Variants in UBE3C observed in about 807,000 individuals in gnomAD.
The protein encoded by UBE3C is ubiquitin protein ligase E3C, also known as ubiquitin-protein ligase E3C.
UBE3C carries 42 observed loss-of-function variants against 129.4 expected under a neutral mutation model. The ratio of observed to expected loss-of-function variants is 0.32; its 90% CI spans 0.25 to 0.42. The LOEUF (loss-of-function observed/expected upper bound fraction) is 0.42, where lower values mean the gene tolerates loss of function less well. Among genes scored for constraint, UBE3C ranks in the 10% least tolerant of loss-of-function variants. UBE3C has a pLI of 1.00. For synonymous variants in UBE3C, 510 were observed against 492.4 expected (o/e 1.04, Z -0.47); for missense variants, 1,049 against 1,319.1 (o/e 0.80, Z 3.17).
At chr7:157,263,412 C>G (rs1158991548) in intron 22 of UBE3C, among the ~76,000 whole-genome samples, 2 of 152,226 alleles carry the variant, frequency 1.3e-5, no homozygotes, top group Non-Finnish European at 2.9e-5. Flanking sequence ...TGTGGTGGCT[C>G]ACGCACTTTG....
intron 2 of UBE3C, among the ~76,000 whole-genome samples, chr7:157,165,423 A>G (rs185791860): frequency 1.5e-3 from 194 of 129,160 alleles, no homozygotes; most frequent in African/African-American, 5.3e-3. Flanking sequence ...TTTGAGGTGG[A>G]GTCTCACTTT....
At chr7:157,259,763 C>T (rs1796849266) in intron 22 of UBE3C, among the ~76,000 whole-genome samples, 2 of 152,118 alleles carry the variant, frequency 1.3e-5, no homozygotes, top group Non-Finnish European at 2.9e-5. Flanking sequence ...CGACCCAAAA[C>T]CGGATTGTGG....
intron 1 of UBE3C, among the ~76,000 whole-genome samples, chr7:157,163,388 CAAA>C (rs367764291): frequency 1.1e-4 from 10 of 95,212 alleles, no homozygotes; most frequent in South Asian, 7.4e-4. Flanking sequence ...GACTCCATCT[CAAA>C]AAAAAAAAAA....
intron 13 of UBE3C, among the ~76,000 whole-genome samples, chr7:157,215,615 T>A (rs1285076074): frequency 6.6e-6 from 1 of 151,240 alleles, no homozygotes. Flanking sequence ...TAAATCAGAT[T>A]GTCCTGATTT....
intron 14 of UBE3C, among the ~76,000 whole-genome samples, chr7:157,218,921 CATT>C (rs1368576203): frequency 2.6e-5 from 4 of 152,160 alleles, no homozygotes; most frequent in African/African-American, 7.2e-5. Flanking sequence ...GGAACCATCT[CATT>C]ATTTTGAATG....
At chr7:157,213,938 C>A (rs1174964941) in intron 13 of UBE3C, among the ~76,000 whole-genome samples, 1 of 152,150 alleles carries the variant, frequency 6.6e-6, no homozygotes, top group Non-Finnish European at 1.5e-5. Flanking sequence ...TTTGGACATA[C>A]TTCTACTAAA....
At chr7:157,220,527 G>A in intron 14 of UBE3C, 162 bp from the exon 15 acceptor site, 1 of 585,690 alleles carries the variant, frequency 1.7e-6, no homozygotes, top group Non-Finnish European at 2.9e-6. Flanking sequence ...CATGAGAGAG[G>A]ACCTGAAAAG....
intron 15 of UBE3C, chr7:157,221,083 T>C (rs933407406): frequency 2.3e-5 from 6 of 258,632 alleles, no homozygotes; most frequent in Non-Finnish European, 3.8e-5. Flanking sequence ...TTGAGGGTGC[T>C]GTGTGGGTTG....
At chr7:157,156,604 C>A (rs1306182459) in intron 1 of UBE3C, among the ~76,000 whole-genome samples, 21 of 151,820 alleles carry the variant, frequency 1.4e-4, no homozygotes, top group Non-Finnish European at 5.9e-5. Context: ...CGCATCCGGC[C>A]CCAATTCTTT....
intron 10 of UBE3C, among the ~76,000 whole-genome samples, chr7:157,191,479 C>T (rs1446237292): frequency 2.6e-5 from 4 of 152,074 alleles, no homozygotes; most frequent in Non-Finnish European, 4.4e-5. Flanking sequence ...TTTGTAGAAA[C>T]GGGGTTTTGC....
intron 19 of UBE3C, 86 bp downstream of exon 19, chr7:157,248,666 T>A: frequency 7.1e-7 from 1 of 1,415,358 alleles, no homozygotes; most frequent in Non-Finnish European, 9.8e-7. Context: ...TGTTACAGCG[T>A]TTGACTTCCG....
intron 10 of UBE3C, among the ~76,000 whole-genome samples, chr7:157,194,276 A>G (rs948176692): frequency 5.9e-5 from 9 of 152,146 alleles, no homozygotes; most frequent in African/African-American, 1.9e-4. Context: ...GCACTGAGAA[A>G]ACTTCTCTGC....
In UBE3C at chr7:157,178,844, A is replaced by T. The variant is rs764676765; in HGVS notation, c.613A>T (p.Asn205Tyr). ...ACAAATTTTGCACTACATGATTCACAATGGTAAGTAGTAGGCAGGATCAGA... is the reference window on the plus strand; with the variant it reads ...ACAAATTTTGCACTACATGATTCACTATGGTAAGTAGTAGGCAGGATCAGA... ...IEQILHYMIH[N>Y]GYYRSLYLLI... Residue 205 changes from asparagine (N) to tyrosine (Y), a missense_variant, in exon 6 of 23, where the codon AAT becomes TAT. Coordinates refer to ENST00000348165, the MANE Select transcript of UBE3C (RefSeq NM_014671.3). 3.7e-6 allele frequency: 6 copies of T among 1,614,034 alleles called. No individual in the cohort carries two copies. The highest frequency in any genetic ancestry group is 1.7e-5 in the Admixed American group (1 of 60,024).
chr7:157,153,524 C>CTCAATT (rs1807816750), intron 1 of UBE3C, among the ~76,000 whole-genome samples: 1 of 152,118 alleles, frequency 6.6e-6, no homozygotes. Context: ...TTGAACCGAG[C>CTCAATT]TCAATTGATC....
intron 16 of UBE3C, among the ~76,000 whole-genome samples, chr7:157,225,096 G>A (rs1159142619): frequency 2.6e-5 from 4 of 152,102 alleles, no homozygotes; most frequent in South Asian, 4.2e-4. Context: ...TCTGCCTCCC[G>A]GGTTCACAAG....
intron 2 of UBE3C, chr7:157,164,326 T>C (rs1808155672): frequency 1.5e-5 from 7 of 456,164 alleles, no homozygotes; most frequent in South Asian, 4.6e-5. Flanking sequence ...CCAGCTAATT[T>C]TTAAGATTTT....
At chr7:157,180,018 ATTTG>A (rs1260473688) in intron 6 of UBE3C, among the ~76,000 whole-genome samples, 9 of 152,194 alleles carry the variant, frequency 5.9e-5, no homozygotes, top group Non-Finnish European at 1.3e-4. Context: ...GAGAATTTGT[ATTTG>A]TTTTCTAAAA....
chr7:157,220,560 G>A (rs1435367086), intron 14 of UBE3C, 129 bp from the exon 15 acceptor site: 1 of 894,250 alleles, frequency 1.1e-6, no homozygotes, highest in Admixed American at 2.5e-5. Flanking sequence ...GGGACATGAA[G>A]GTATGAGGTC....
intron 18 of UBE3C, among the ~76,000 whole-genome samples, chr7:157,233,166 A>T (rs1796067557): frequency 6.6e-6 from 1 of 151,522 alleles, no homozygotes; most frequent in South Asian, 2.1e-4. Flanking sequence ...TAAATTTGTG[A>T]CCTTTTGTGA....
Sources: allele counts gnomAD v4.1 joint callset (sites outside exome capture counted in the v4.1 genomes callset), GRCh38; gene constraint gnomAD v4.1.1; transcripts MANE v1.5; gene names NCBI Gene and HGNC (gene_info 2026-07-23, HGNC 2026-07-21).